UGT1A7: variants seen among roughly 807,000 people sequenced by gnomAD.
UGT1A7 encodes the protein UDP-glucuronosyltransferase 1A7.
A neutral mutation model predicts 45.6 loss-of-function variants in UGT1A7; 33 were observed. The ratio of observed to expected loss-of-function variants is 0.72; its 90% CI spans 0.55 to 0.97. The LOEUF is 0.97. Ranked by LOEUF, UGT1A7 falls within the 50% of genes least tolerant of loss-of-function variation. UGT1A7 has a pLI of 0.00. For missense variants in UGT1A7, 684 were observed against 666.2 expected (o/e 1.03, Z -0.29); for synonymous variants, 274 against 250.6 (o/e 1.09, Z -0.88).
At chr2:233,683,295 C>G (rs1372789673) in intron 1 of UGT1A7, among the ~76,000 whole-genome samples, 1 of 151,998 alleles carries the variant, frequency 6.6e-6, no homozygotes, top group African/African-American at 2.4e-5. Flanking sequence ...GATATCTTTA[C>G]AGGTCAATGC....
At chr2:233,766,081 A>G (rs913982065) in intron 1 of UGT1A7, among the ~76,000 whole-genome samples, 2 of 152,278 alleles carry the variant, frequency 1.3e-5, no homozygotes, top group Admixed American at 6.5e-5. Context: ...ACCTTGTCGC[A>G]AGGACAGAGG....
chr2:233,705,905 T>C (rs1056214511), intron 1 of UGT1A7, among the ~76,000 whole-genome samples: 1 of 152,030 alleles, frequency 6.6e-6, no homozygotes, highest in African/African-American at 2.4e-5. Context: ...CTGGCCAAAA[T>C]AGTGAAACTC....
chr2:233,743,752 C>A, intron 1 of UGT1A7: 1 of 1,367,386 alleles, frequency 7.3e-7, no homozygotes, highest in Non-Finnish European at 9.8e-7. Context: ...CGTCCGACAA[C>A]ACCTCGTAGG....
At chr2:233,690,707 C>A (rs2075004016) in intron 1 of UGT1A7, 1 of 1,225,352 alleles carries the variant, frequency 8.2e-7, no homozygotes, top group African/African-American at 1.6e-5. Context: ...TAGGGATCGT[C>A]ATTATGACGA....
At chr2:233,729,380 C>T (rs1362745678) in intron 1 of UGT1A7, 2 of 1,613,892 alleles carry the variant, frequency 1.2e-6, no homozygotes, top group Admixed American at 3.3e-5. Flanking sequence ...ATTTCGTGGA[C>T]CCAGGATGAA....
intron 1 of UGT1A7, among the ~76,000 whole-genome samples, chr2:233,739,630 G>A (rs535320958): frequency 6.6e-6 from 1 of 152,302 alleles, no homozygotes; most frequent in African/African-American, 2.4e-5. Context: ...CATTTGAAAT[G>A]GGAACATTTA....
intron 4 of UGT1A7, among the ~76,000 whole-genome samples, chr2:233,768,946 C>T (rs1699761608): frequency 6.6e-6 from 1 of 152,058 alleles, no homozygotes. Context: ...TCTTTAGTTT[C>T]TATATAATTT....
intron 1 of UGT1A7, among the ~76,000 whole-genome samples, chr2:233,687,701 G>A (rs2074858745): frequency 6.6e-6 from 1 of 151,714 alleles, no homozygotes; most frequent in Admixed American, 6.6e-5. Context: ...CCAGGAGTTT[G>A]AGACCAGCCT....
At position 233,747,386 on chromosome 2, in the gene UGT1A7, G is replaced by A. The variant is rs28900380; in HGVS notation, c.856-19648G>A. ...AGCTCCATGCCAGAGGCCACCAGGC[G>A]GTGGTCCTCACCCCAGAGGTGAATA... is the stretch of plus-strand genomic sequence containing the variant. On this transcript the variant is annotated intron_variant, in intron 1 of 4. Coordinates refer to ENST00000373426, the MANE Select transcript of UGT1A7 (RefSeq NM_019077.3). The A allele has an allele frequency of 0.013, 20,927 of 1,605,194 alleles. 2,457 individuals carry two copies. In the African/African-American group the frequency reaches 0.23, roughly 18 times the overall value.
chr2:233,718,368 T>C (rs1366364618), intron 1 of UGT1A7, among the ~76,000 whole-genome samples: 1 of 152,222 alleles, frequency 6.6e-6, no homozygotes, highest in African/African-American at 2.4e-5. Context: ...TATTCACATA[T>C]GAGAAGAAAG....
chr2:233,699,577 G>A (rs1442850819), intron 1 of UGT1A7, among the ~76,000 whole-genome samples: 1 of 152,206 alleles, frequency 6.6e-6, no homozygotes, highest in Non-Finnish European at 1.5e-5. Context: ...CTGGCTCTAG[G>A]ACATCCTTTC....
chr2:233,768,138 G>A, intron 3 of UGT1A7, 82 bp from the exon 4 acceptor site: 1 of 1,609,178 alleles, frequency 6.2e-7, no homozygotes, highest in Non-Finnish European at 8.5e-7. Context: ...CTGAGTCTTT[G>A]GAGTGTTTTC....
Position 233,682,023 on chromosome 2 carries a change from T to C in UGT1A7, c.86T>C (p.Leu29Pro). The change falls in exon 1 of 5, where the codon CTG (leucine) becomes CCG (proline). Residue 29 changes from leucine (L) to proline (P), a missense_variant. Physicochemically the swap from Leu to Pro is moderately conservative, Grantham distance 98. Coordinates refer to ENST00000373426, the MANE Select transcript of UGT1A7 (RefSeq NM_019077.3). ...TCGFAKAGKL[L>P]VVPMDGSHWF... is the part of the protein sequence containing the mutation. ...GGCTTTGCCAAGGCAGGGAAGCTGC[T>C]GGTAGTGCCCATGGATGGGAGCCAC... The C allele has an allele frequency of 6.2e-7, 1 of 1,614,128 alleles. No individual in the cohort carries two copies.
intron 1 of UGT1A7, among the ~76,000 whole-genome samples, chr2:233,712,123 G>A (rs533419380): frequency 6.6e-6 from 1 of 152,342 alleles, no homozygotes; most frequent in South Asian, 2.1e-4. Flanking sequence ...ACTTGCAGAA[G>A]ACTGGAGCCT....
chr2:233,762,963 G>A (rs1465614269), intron 1 of UGT1A7, among the ~76,000 whole-genome samples: 1 of 152,144 alleles, frequency 6.6e-6, no homozygotes, highest in East Asian at 1.9e-4. Flanking sequence ...TAGGAAAGAT[G>A]CCCGTCTTGC....
intron 1 of UGT1A7, chr2:233,693,100 C>T: frequency 6.2e-7 from 1 of 1,614,118 alleles, no homozygotes; most frequent in Non-Finnish European, 8.5e-7. Flanking sequence ...TGCTGGTGGT[C>T]CCTCAGGACG....
intron 1 of UGT1A7, among the ~76,000 whole-genome samples, chr2:233,714,226 A>T (rs533921127): frequency 6.6e-6 from 1 of 152,290 alleles, no homozygotes; most frequent in South Asian, 2.1e-4. Context: ...TGCTGGCAAG[A>T]TTTTCAGTAG....
chr2:233,692,757 G>A, intron 1 of UGT1A7: 1 of 1,177,646 alleles, frequency 8.5e-7, no homozygotes, highest in Non-Finnish European at 1.1e-6. Context: ...GACTTGTGGA[G>A]CTGAAGAGAA....
chr2:233,682,411 C>T lies in UGT1A7; in HGVS notation c.474C>T (p.Ala158=), dbSNP rs774746807. 4.3e-5 allele frequency: 70 copies of T among 1,613,784 alleles called. No individual in the cohort carries two copies. The highest frequency in any genetic ancestry group is 9.9e-5 in the South Asian group (9 of 91,062). ...DPFDACGLIV[A]KYFSLPSVVF... is the part of the protein sequence containing the mutation. ...TTGATGCCTGTGGCTTAATTGTTGC[C>T]AAATATTTCTCCCTCCCCTCTGTGG... is the stretch of plus-strand genomic sequence containing the variant. Residue 158 remains alanine, a synonymous_variant, in exon 1 of 5, where the codon GCC becomes GCT. Transcript: ENST00000373426.
Sources: gnomAD v4.1 joint callset for allele counts (sites outside exome capture counted in the v4.1 genomes callset) on GRCh38, gnomAD v4.1.1 for gene constraint, MANE v1.5 for transcripts, NCBI Gene and HGNC (gene_info 2026-07-23, HGNC 2026-07-21) for gene names.